Variants in NCOA7 observed in about 807,000 individuals in gnomAD.
NCOA7 encodes 140 kDa estrogen receptor-associated protein.
NCOA7 carries 45 observed loss-of-function variants against 104.3 expected under a neutral mutation model. The observed-to-expected ratio is 0.43, with a 90% CI of 0.34 to 0.55. The LOEUF is 0.55. Ranked by LOEUF, NCOA7 falls within the 20% of genes least tolerant of loss-of-function variation. The pLI is 0.02. For missense variants in NCOA7, 1,041 were observed against 1,119.7 expected, an observed-to-expected ratio of 0.93 and a Z score of 1.00; for synonymous variants, 398 against 402.3, an observed-to-expected ratio of 0.99 and a Z score of 0.13.
chr6:125,889,612 G>T lies in NCOA7; in HGVS notation c.1558G>T (p.Val520Phe). 1 of 1,613,878 alleles carries T rather than the reference G, an allele frequency of 6.2e-7. No homozygotes were observed. The highest frequency in any genetic ancestry group is 8.5e-7 in the Non-Finnish European group (1 of 1,179,966). The change falls in exon 9 of 16, where the codon GTT (valine) becomes TTT (phenylalanine). Residue 520 changes from valine (V) to phenylalanine (F), a missense_variant. This residue lies in a region of NCOA7 where 914 missense variants were observed against 942.7 expected (regional missense o/e 0.97). Coordinates refer to ENST00000392477, the MANE Select transcript of NCOA7 (RefSeq NM_181782.5). ...GAACATACATGAAGATTTAGATAAA[G>T]TTAAACTCATTGAATATTACCTGAC... ...TLNIHEDLDK[V>F]KLIEYYLTKN... is the part of the protein sequence containing the mutation.
At position 125,855,045 on chromosome 6, in the gene NCOA7, C is replaced by T; in HGVS notation, c.76C>T (p.Gln26Ter). Residue 26 changes from glutamine to a stop codon, truncating the protein, a stop_gained, in exon 3 of 16, where the codon CAA becomes TAA. Transcript: ENST00000392477. LOFTEE classifies it high-confidence loss of function. ...ACTGAAAAAGAAAAAACAAGCCAAA[C>T]AAAATGCAGAGACAGCCTCAGCTGT... ...ARLKKKKQAK[Q>*]NAETASAVAT... The T allele has an allele frequency of 2.5e-6, 4 of 1,606,464 alleles. No homozygotes were observed. Among genetic ancestry groups the T allele is most frequent in the Non-Finnish European group, 3.4e-6 (4 of 1,178,332 alleles).
intron 10 of NCOA7, among the ~76,000 whole-genome samples, chr6:125,891,851 A>G (rs920786543): frequency 6.6e-6 from 1 of 152,154 alleles, no homozygotes; most frequent in Non-Finnish European, 1.5e-5. Flanking sequence ...ATTAAACATA[A>G]CTTGTTTTGC....
intron 1 of NCOA7, among the ~76,000 whole-genome samples, chr6:125,804,675 G>C (rs1045272378): frequency 1.3e-5 from 2 of 151,982 alleles, no homozygotes; most frequent in African/African-American, 4.8e-5. Context: ...AAAATATTTG[G>C]TAGAAATGTT....
At chr6:125,802,078 T>C (rs1385153997) in intron 1 of NCOA7, among the ~76,000 whole-genome samples, 1 of 152,182 alleles carries the variant, frequency 6.6e-6, no homozygotes, top group Non-Finnish European at 1.5e-5. Flanking sequence ...TCCTCTGCTA[T>C]TTTTGTCAGT....
upstream of NCOA7, among the ~76,000 whole-genome samples, chr6:125,790,517 G>A (rs1774727234): frequency 6.6e-6 from 1 of 152,120 alleles, no homozygotes. Context: ...TCGCGGCAGC[G>A]GAGGCTGCAG....
At chr6:125,876,880 C>T (rs781704328) in intron 4 of NCOA7, among the ~76,000 whole-genome samples, 1 of 152,110 alleles carries the variant, frequency 6.6e-6, no homozygotes, top group Non-Finnish European at 1.5e-5. Context: ...ACATCCCTCT[C>T]GGGGTCTGTG....
At chr6:125,894,311 T>C (rs1337036640) in intron 10 of NCOA7, among the ~76,000 whole-genome samples, 2 of 152,098 alleles carry the variant, frequency 1.3e-5, no homozygotes, top group East Asian at 3.9e-4. Flanking sequence ...TCACTTCACA[T>C]TGAGAACCAC....
chr6:125,826,596 AG>A (rs1356676397), intron 2 of NCOA7, among the ~76,000 whole-genome samples: 1 of 152,100 alleles, frequency 6.6e-6, no homozygotes, highest in African/African-American at 2.4e-5. Context: ...TATGTTATGA[AG>A]AGAAACATAT....
chr6:125,815,546 T>G, intron 2 of NCOA7, 142 bp downstream of exon 2: 1 of 630,332 alleles, frequency 1.6e-6, no homozygotes, highest in Non-Finnish European at 2.7e-6. Context: ...AACTATACTT[T>G]GCTTCATCCA....
intron 6 of NCOA7, 85 bp from the exon 7 acceptor site, chr6:125,882,341 C>T (rs1783908962): frequency 1.4e-6 from 2 of 1,384,600 alleles, no homozygotes; most frequent in East Asian, 2.4e-5. Context: ...AGTATACTCA[C>T]AGGGAATTTA....
At chr6:125,808,044 C>T (rs995486198) in intron 1 of NCOA7, among the ~76,000 whole-genome samples, 3 of 152,178 alleles carry the variant, frequency 2.0e-5, no homozygotes, top group Non-Finnish European at 4.4e-5. Flanking sequence ...AGAATAGCAG[C>T]TATGTCAGGG....
Position 125,927,685 on chromosome 6 carries a change from A to G in NCOA7, c.2546A>G (p.His849Arg). ...CAGATTTTTGGAGCATATGCAACTC[A>G]TCCTTTCAAGTTCAGTGACCACTAT... ...DNQIFGAYAT[H>R]PFKFSDHYYG... Residue 849 changes from histidine to arginine, a missense_variant, in exon 14 of 16, where the codon CAT becomes CGT. By Grantham distance (29) the His-to-Arg change is conservative. This residue lies in a region of NCOA7 where 127 missense variants were observed against 177.0 expected (regional missense o/e 0.72). Transcript: ENST00000392477. The G allele has an allele frequency of 6.2e-7, 1 of 1,614,086 alleles. No individual in the cohort carries two copies. Among genetic ancestry groups the G allele is most frequent in the East Asian group, 2.2e-5 (1 of 44,860 alleles).
chr6:125,802,442 A>G (rs946652496), intron 1 of NCOA7: 2 of 152,178 alleles, frequency 1.3e-5, no homozygotes, highest in African/African-American at 4.8e-5. Context: ...CCTGGAACCC[A>G]AGCTGAAGAG....
At chr6:125,882,668 G>A (rs1783941249) in intron 7 of NCOA7, 117 bp downstream of exon 7, 1 of 1,268,580 alleles carries the variant, frequency 7.9e-7, no homozygotes, top group Non-Finnish European at 1.1e-6. Flanking sequence ...TCAATTTTAG[G>A]TTTGACAAGC....
intron 1 of NCOA7, among the ~76,000 whole-genome samples, chr6:125,811,369 C>T (rs1776988028): frequency 6.6e-6 from 1 of 152,162 alleles, no homozygotes; most frequent in African/African-American, 2.4e-5. Context: ...AAAAGTGAAA[C>T]TTGGTGTTAT....
intron 1 of NCOA7, among the ~76,000 whole-genome samples, chr6:125,795,956 A>G (rs1338574063): frequency 6.6e-6 from 1 of 152,196 alleles, no homozygotes; most frequent in African/African-American, 2.4e-5. Context: ...TTTTAGTAAT[A>G]CAAAACTAAT....
Position 125,890,737 on chromosome 6 carries a change from A to G in NCOA7, c.2023A>G (p.Thr675Ala), listed in dbSNP as rs1374515802. Reference protein sequence around the residue: ...KPMRKSFATHTAAMVQQYGKR... With the variant: ...KPMRKSFATHAAAMVQQYGKR... ...AATGAGAAAATCCTTTGCCACTCAC[A>G]CTGCAGCCATGGTCCAGCAGTACGG... Residue 675 changes from threonine to alanine, a missense_variant, in exon 10 of 16, where the codon ACT (threonine) becomes GCT (alanine). Transcript: ENST00000392477. 1.2e-6 allele frequency: 2 copies of G among 1,613,922 alleles called. No homozygotes were observed. The highest frequency in any genetic ancestry group is 1.1e-5 in the South Asian group (1 of 91,058).
At chr6:125,886,498 ATTATGT>A (rs1784274585) in intron 8 of NCOA7, among the ~76,000 whole-genome samples, 1 of 152,238 alleles carries the variant, frequency 6.6e-6, no homozygotes, top group Admixed American at 6.5e-5. Context: ...TCAATGTGAG[ATTATGT>A]TTAATGATCT....
chr6:125,899,177 G>T (rs944020522), intron 10 of NCOA7, among the ~76,000 whole-genome samples: 1 of 152,176 alleles, frequency 6.6e-6, no homozygotes, highest in Non-Finnish European at 1.5e-5. Flanking sequence ...ACAATGGAAA[G>T]ATGTTCAAAT....
Sources: gnomAD v4.1 joint callset for allele counts (sites outside exome capture counted in the v4.1 genomes callset) on GRCh38, gnomAD v4.1.1 for gene constraint, gnomAD v4.1.1 regional missense constraint, MANE v1.5 for transcripts, NCBI Gene and HGNC (gene_info 2026-07-23, HGNC 2026-07-21) for gene names.